RNF128: variants seen among roughly 807,000 people sequenced by gnomAD.
The protein encoded by RNF128 is E3 ubiquitin-protein ligase RNF128.
Under a neutral mutation model 26.2 loss-of-function variants are expected in RNF128, and 13 were observed. The ratio of observed to expected loss-of-function variants is 0.50; its 90% CI spans 0.32 to 0.79. The LOEUF (loss-of-function observed/expected upper bound fraction) is 0.79, where lower values mean the gene tolerates loss of function less well. Ranked by LOEUF, RNF128 falls within the 30% of genes least tolerant of loss-of-function variation. The pLI, the probability that RNF128 is intolerant of heterozygous loss-of-function variation, is 0.03. For synonymous variants in RNF128, 149 were observed against 142.5 expected, an observed-to-expected ratio of 1.05 and a Z score of -0.32; for missense variants, 315 against 349.7, an observed-to-expected ratio of 0.90 and a Z score of 0.79.
chrX:106,751,174 A>G (rs1478968343), intron 1 of RNF128, among the ~76,000 whole-genome samples: 2 of 111,377 alleles, frequency 1.8e-5, no homozygotes, highest in Non-Finnish European at 3.8e-5. Context: ...GGAAAGAGGC[A>G]CTGGATAGGA....
At chrX:106,780,464 T>C (rs761448970) in intron 2 of RNF128, among the ~76,000 whole-genome samples, 1 of 111,743 alleles carries the variant, frequency 8.9e-6, no homozygotes, top group Non-Finnish European at 1.9e-5. Context: ...GTTAAGAAAA[T>C]TGGCCAACAA....
chrX:106,694,280 C>T (rs1928837053), exon 1 of RNF128: 5 of 1,208,211 alleles, frequency 4.1e-6, no homozygotes, highest in South Asian at 3.5e-5. Flanking sequence ...CCCTGGATTG[C>T]GCTGATAGAA....
intron 1 of RNF128, among the ~76,000 whole-genome samples, chrX:106,728,721 C>T (rs1250158773): frequency 2.7e-5 from 3 of 111,776 alleles, no homozygotes; most frequent in Non-Finnish European, 5.6e-5. Flanking sequence ...CCTTCTTTGC[C>T]TCTACCGACT....
At chrX:106,770,813 T>C (rs924311729) in intron 1 of RNF128, among the ~76,000 whole-genome samples, 3 of 112,223 alleles carry the variant, frequency 2.7e-5, no homozygotes, top group Non-Finnish European at 5.6e-5. Context: ...CTGCATTCCT[T>C]TGGAGGAGAA....
intron 1 of RNF128, among the ~76,000 whole-genome samples, chrX:106,750,341 A>G (rs1929861262): frequency 8.9e-6 from 1 of 112,262 alleles, no homozygotes; most frequent in African/African-American, 3.2e-5. Flanking sequence ...GAAGATAACT[A>G]GTGTAGAATG....
At chrX:106,707,210 A>G (rs930136227) in intron 1 of RNF128, among the ~76,000 whole-genome samples, 1 of 111,607 alleles carries the variant, frequency 9.0e-6, no homozygotes, top group Non-Finnish European at 1.9e-5. Context: ...TTAAACTAAA[A>G]CCCTGTCCAG....
chrX:106,743,266 A>T (rs1340721891), intron 1 of RNF128, among the ~76,000 whole-genome samples: 1 of 112,570 alleles, frequency 8.9e-6, no homozygotes, highest in Non-Finnish European at 1.9e-5. Flanking sequence ...AAAAACTTTT[A>T]TCTACTATGT....
At chrX:106,714,274 T>C (rs1318915111) in intron 1 of RNF128, among the ~76,000 whole-genome samples, 1 of 111,675 alleles carries the variant, frequency 9.0e-6, no homozygotes, top group African/African-American at 3.3e-5. Context: ...TTTTTTTTTA[T>C]GTTTTAAGAA....
intron 1 of RNF128, among the ~76,000 whole-genome samples, chrX:106,741,277 T>C (rs1929697712): frequency 8.9e-6 from 1 of 111,860 alleles, no homozygotes; most frequent in South Asian, 3.7e-4. Context: ...GCTTCAATGC[T>C]TCTCTTTTAT....
chrX:106,726,268 CT>C (rs918254971), upstream of RNF128, among the ~76,000 whole-genome samples: 3 of 110,687 alleles, frequency 2.7e-5, no homozygotes, highest in Non-Finnish European at 3.8e-5. Context: ...CCCTTCCCCC[CT>C]CTAGAGAATC....
chrX:106,708,247 G>C (rs1382342213), intron 1 of RNF128, among the ~76,000 whole-genome samples: 1 of 111,709 alleles, frequency 9.0e-6, no homozygotes, highest in African/African-American at 3.3e-5. Context: ...TTGGAGACAT[G>C]ACTTCTTTGT....
intron 1 of RNF128, among the ~76,000 whole-genome samples, chrX:106,758,745 C>T (rs1930068881): frequency 9.0e-6 from 1 of 111,691 alleles, no homozygotes; most frequent in South Asian, 3.7e-4. Flanking sequence ...AAGAATGAAA[C>T]TAGACCCGTA....
upstream of RNF128, among the ~76,000 whole-genome samples, chrX:106,721,813 G>T (rs772378443): frequency 8.9e-6 from 1 of 112,028 alleles, no homozygotes; most frequent in African/African-American, 3.2e-5. Flanking sequence ...TCCTTCTTCT[G>T]TTCCTAGCTA....
At chrX:106,704,428 T>C (rs1330971140) in intron 1 of RNF128, among the ~76,000 whole-genome samples, 4 of 62,872 alleles carry the variant, frequency 6.4e-5, no homozygotes, top group African/African-American at 2.8e-4. Context: ...CGAGACTCTG[T>C]CTCAGAAAAA....
At chrX:106,720,706 G>A (rs1238942952) in intron 1 of RNF128, among the ~76,000 whole-genome samples, 2 of 111,475 alleles carry the variant, frequency 1.8e-5, no homozygotes, top group African/African-American at 6.5e-5. Context: ...ATACCCCTGT[G>A]TGAATTCCAA....
intron 2 of RNF128, among the ~76,000 whole-genome samples, chrX:106,776,074 A>T (rs1341616283): frequency 8.9e-6 from 1 of 112,559 alleles, no homozygotes; most frequent in Non-Finnish European, 1.9e-5. Context: ...AAAATAACAT[A>T]TTAGGCCTTA....
upstream of RNF128, among the ~76,000 whole-genome samples, chrX:106,724,082 A>G (rs1929357535): frequency 9.0e-6 from 1 of 110,829 alleles, no homozygotes; most frequent in African/African-American, 3.3e-5. Flanking sequence ...AAGTGAACTC[A>G]TCTCTCCTTC....
At chrX:106,773,678 A>G (rs1023209790) in intron 2 of RNF128, among the ~76,000 whole-genome samples, 11 of 111,410 alleles carry the variant, frequency 9.9e-5, no homozygotes, top group African/African-American at 3.6e-4. Flanking sequence ...TGCATGATAT[A>G]TTGTTAGGCT....
intron 1 of RNF128, among the ~76,000 whole-genome samples, chrX:106,707,862 T>C (rs1248212563): frequency 1.8e-5 from 2 of 111,513 alleles, no homozygotes; most frequent in Non-Finnish European, 3.8e-5. Flanking sequence ...GATTAATTCA[T>C]TGATGGCAAC....
Sources: allele counts gnomAD v4.1 joint callset (sites outside exome capture counted in the v4.1 genomes callset), GRCh38; gene constraint gnomAD v4.1.1; transcripts MANE v1.5; gene names NCBI Gene and HGNC (gene_info 2026-07-23, HGNC 2026-07-21).